The following DZIP3 variants were observed in gnomAD, a reference collection of about 807,000 sequenced individuals.
DZIP3 encodes E3 ubiquitin-protein ligase DZIP3.
Under a neutral mutation model 162.0 loss-of-function variants are expected in DZIP3, and 118 were observed. The observed-to-expected ratio is 0.73, with a 90% confidence interval of 0.63 to 0.85. The LOEUF is 0.85. DZIP3 is among the 40% of genes least tolerant of loss of function. The pLI, the probability that DZIP3 is intolerant of heterozygous loss-of-function variation, is 0.00. For missense variants in DZIP3, 1,331 were observed against 1,407.0 expected (o/e 0.95, Z 0.86); for synonymous variants, 438 against 458.6 (o/e 0.96, Z 0.57).
intron 24 of DZIP3, among the ~76,000 whole-genome samples, 180 bp from the exon 25 acceptor site, chr3:108,675,606 T>C (rs1467667431): frequency 1.3e-5 from 2 of 152,088 alleles, no homozygotes; most frequent in African/African-American, 4.8e-5. Flanking sequence ...ATTACTGTTT[T>C]TGTTATTTTT....
chr3:108,613,169 G>A (rs1940815161), intron 4 of DZIP3, among the ~76,000 whole-genome samples: 1 of 152,080 alleles, frequency 6.6e-6, no homozygotes, highest in Non-Finnish European at 1.5e-5. Context: ...AATAGTACAT[G>A]TAGGAAGACG....
chr3:108,630,099 C>T (rs999247474), intron 8 of DZIP3, among the ~76,000 whole-genome samples: 9 of 152,006 alleles, frequency 5.9e-5, no homozygotes, highest in Non-Finnish European at 2.9e-5. Flanking sequence ...AATTGTACCA[C>T]TTTATATTCT....
chr3:108,624,373 TTTAA>T, intron 5 of DZIP3, 67 bp from the exon 6 acceptor site: 1 of 807,784 alleles, frequency 1.2e-6, no homozygotes, highest in Non-Finnish European at 2.1e-6. Flanking sequence ...GCTTAGGATA[TTTAA>T]TTAAGCTTGT....
intron 31 of DZIP3, among the ~76,000 whole-genome samples, chr3:108,690,287 A>C (rs1008504651): frequency 1.3e-5 from 2 of 152,194 alleles, no homozygotes; most frequent in African/African-American, 4.8e-5. Context: ...CATTCAAGCA[A>C]GTGACTTAAC....
chr3:108,643,715 G>C (rs1942498204), intron 13 of DZIP3, among the ~76,000 whole-genome samples: 1 of 151,824 alleles, frequency 6.6e-6, no homozygotes, highest in Non-Finnish European at 1.5e-5. Flanking sequence ...TGCTCAGTGA[G>C]TATTAGTGCA....
chr3:108,688,953 G>A (rs1322303231), intron 31 of DZIP3, 29 bp downstream of exon 31: 1 of 1,590,816 alleles, frequency 6.3e-7, no homozygotes. Context: ...CCATTAATCA[G>A]CTAAATGAGA....
At chr3:108,625,461 A>C (rs898780796) in intron 6 of DZIP3, among the ~76,000 whole-genome samples, 2 of 152,168 alleles carry the variant, frequency 1.3e-5, no homozygotes, top group Non-Finnish European at 2.9e-5. Flanking sequence ...GCGTCTCACT[A>C]TGTTGCCCAA....
chr3:108,597,976 T>G (rs2107443551), intron 1 of DZIP3, among the ~76,000 whole-genome samples: 1 of 152,290 alleles, frequency 6.6e-6, no homozygotes, highest in East Asian at 1.9e-4. Flanking sequence ...TCCATTTCAT[T>G]GTTTATTTCA....
chr3:108,678,087 C>T (rs1340060401), intron 26 of DZIP3, among the ~76,000 whole-genome samples: 1 of 151,848 alleles, frequency 6.6e-6, no homozygotes, highest in Non-Finnish European at 1.5e-5. Flanking sequence ...ACTAGATTCT[C>T]ACAGGAGTGT....
chr3:108,611,460 G>A (rs1405981561), intron 4 of DZIP3, 131 bp downstream of exon 4: 11 of 1,104,488 alleles, frequency 1.0e-5, no homozygotes, highest in Non-Finnish European at 1.4e-5. Context: ...TTCTTGTAAA[G>A]GGCTTTGTTG....
At chr3:108,629,227 C>T in intron 8 of DZIP3, 51 bp downstream of exon 8, 1 of 1,147,256 alleles carries the variant, frequency 8.7e-7, no homozygotes, top group Non-Finnish European at 1.2e-6. Context: ...TCAGAATAAC[C>T]AACTATATCA....
chr3:108,634,003 A>G (rs936771823), intron 9 of DZIP3, among the ~76,000 whole-genome samples: 1 of 151,926 alleles, frequency 6.6e-6, no homozygotes, highest in African/African-American at 2.4e-5. Context: ...TGGATCTATC[A>G]GAATAAGACT....
rs769051021 is a variant in DZIP3 at position 108,611,190 on chromosome 3, A to G, written c.119A>G (p.Asp40Gly). The change falls in exon 4 of 33, where the codon GAC becomes GGC. Residue 40 changes from aspartate (D) to glycine (G), a missense_variant. Physicochemically the swap from Asp to Gly is moderately conservative, Grantham distance 94. Coordinates refer to ENST00000361582, the MANE Select transcript of DZIP3 (RefSeq NM_014648.4). ...GTCTTCTAGAACAAACAGGAAAATG[A>G]CATACCTACTGATCTTGTCCCTGTT... ...SSGQLNKQEN[D>G]IPTDLVPVNL... 3 of 1,591,806 alleles carry G rather than the reference A, an allele frequency of 1.9e-6. No individual in the cohort carries two copies. The highest frequency in any genetic ancestry group is 2.3e-5 in the South Asian group (2 of 86,274).
intron 7 of DZIP3, 58 bp downstream of exon 7, chr3:108,626,027 GAAGT>G: frequency 6.3e-7 from 1 of 1,579,114 alleles, no homozygotes; most frequent in South Asian, 1.2e-5. Flanking sequence ...TTGTGAAATG[GAAGT>G]AAGTGTGCAC....
rs1032773542 is a variant in DZIP3, at chr3:108,625,908, T to C, written c.520T>C (p.Cys174Arg). 1.3e-5 allele frequency: 21 copies of C among 1,613,800 alleles called. No homozygotes were observed. Among genetic ancestry groups the C allele is most frequent in the Non-Finnish European group, 1.8e-5 (21 of 1,179,858 alleles). Residue 174 changes from cysteine to arginine, a missense_variant, in exon 7 of 33, where the codon TGT becomes CGT. Around this residue, in one of 2 missense-constraint regions of DZIP3, gnomAD observed 1,278 missense variants for 1,317.1 expected, o/e 0.97. Coordinates refer to ENST00000361582, the MANE Select transcript of DZIP3 (RefSeq NM_014648.4). Reference sequence around the variant, plus strand: ...GATGATGATCCAAGAAAATGAAATTTGTGAAAACTTTATGTCTTTAGTTTA... The same window carrying C: ...GATGATGATCCAAGAAAATGAAATTCGTGAAAACTTTATGTCTTTAGTTTA... ...MKMMIQENEICENFMSLVYFG... is the reference protein window; with the variant it reads ...MKMMIQENEIRENFMSLVYFG...
chr3:108,659,259 C>G (rs1340100917), intron 19 of DZIP3, among the ~76,000 whole-genome samples: 1 of 152,160 alleles, frequency 6.6e-6, no homozygotes, highest in East Asian at 1.9e-4. Context: ...TACTGGCAAA[C>G]TGAATCCAGC....
chr3:108,679,109 A>C (rs1391237893), intron 26 of DZIP3, among the ~76,000 whole-genome samples: 1 of 152,132 alleles, frequency 6.6e-6, no homozygotes, highest in East Asian at 1.9e-4. Flanking sequence ...GCAGTAACAC[A>C]TATTTTTTTG....
At chr3:108,614,349 T>C (rs1309566658) in intron 4 of DZIP3, among the ~76,000 whole-genome samples, 1 of 152,230 alleles carries the variant, frequency 6.6e-6, no homozygotes, top group Admixed American at 6.5e-5. Flanking sequence ...AGCTACCTGG[T>C]TTGTCTCATA....
chr3:108,666,021 G>T (rs1479335457), intron 21 of DZIP3, among the ~76,000 whole-genome samples: 1 of 152,082 alleles, frequency 6.6e-6, no homozygotes, highest in African/African-American at 2.4e-5. Flanking sequence ...CTTCAGAAAG[G>T]AAAGAAGACC....
Sources: allele counts gnomAD v4.1 joint callset (sites outside exome capture counted in the v4.1 genomes callset), GRCh38; gene constraint gnomAD v4.1.1; regional missense constraint gnomAD v4.1.1; transcripts MANE v1.5; gene names NCBI Gene and HGNC (gene_info 2026-07-23, HGNC 2026-07-21).